VEGFC: variants seen among roughly 807,000 people sequenced by gnomAD.
The protein encoded by VEGFC is FLT4 ligand DHM.
In VEGFC, 12 loss-of-function variants were observed where a neutral mutation model predicts 46.1. The ratio of observed to expected loss-of-function variants is 0.26; its 90% CI spans 0.17 to 0.42. The LOEUF is 0.42. Among genes scored for constraint, VEGFC ranks in the 10% least tolerant of loss-of-function variants. The probability of loss-of-function intolerance (pLI) is 1.00; values close to 1 mark genes in which losing one functional copy is unlikely to be tolerated. For synonymous variants in VEGFC, 232 were observed against 195.5 expected, an observed-to-expected ratio of 1.19 and a Z score of -1.56; for missense variants, 488 against 529.4, an observed-to-expected ratio of 0.92 and a Z score of 0.77.
chr4:176,694,595 G>A (rs62328270), intron 4 of VEGFC, among the ~76,000 whole-genome samples: 73,355 of 151,498 alleles, frequency 0.48, 20,974 homozygotes, highest in East Asian at 0.87. Flanking sequence ...ACAAGGATAC[G>A]CAGGAATTGA....
intron 1 of VEGFC, among the ~76,000 whole-genome samples, chr4:176,747,199 C>G (rs1735271704): frequency 6.6e-6 from 1 of 151,962 alleles, no homozygotes; most frequent in Non-Finnish European, 1.5e-5. Context: ...AAATGAGATG[C>G]ACTTAAACAC....
At chr4:176,773,744 A>T (rs1735761003) in intron 1 of VEGFC, among the ~76,000 whole-genome samples, 1 of 152,164 alleles carries the variant, frequency 6.6e-6, no homozygotes, top group Non-Finnish European at 1.5e-5. Context: ...GTACAGTGGC[A>T]CTATCACAGG....
rs367957043 is a variant in VEGFC, at chr4:176,730,647, A to G, written c.148-901T>C. 3.9e-5 allele frequency among the ~76,000 whole-genome samples: 6 copies of G among 152,076 alleles called. No individual in the cohort carries two copies. The South Asian group carries it at 1.0e-3, about 26-fold the overall frequency. On this transcript the variant is annotated intron_variant, in intron 1 of 6. Coordinates refer to ENST00000618562, the MANE Select transcript of VEGFC (RefSeq NM_005429.5). ...AGTTTAGTCGAATAAGAGTCAATGA[A>G]CTAACTGTCAGAAATGCAGGTAACT...
chr4:176,789,210 C>G (rs1736050584), intron 1 of VEGFC, among the ~76,000 whole-genome samples: 1 of 152,172 alleles, frequency 6.6e-6, no homozygotes, highest in African/African-American at 2.4e-5. Flanking sequence ...GAACCGGAAC[C>G]AGAACTGGAA....
rs552692436 is a variant in VEGFC at position 176,713,014 on chromosome 4, T to C, written c.553-1364A>G. On this transcript the variant is annotated intron_variant, in intron 3 of 6. Transcript: ENST00000618562. Reference sequence around the variant, plus strand: ...GACTTCTCCAAGCTGTATTTTTCTTTGATAATCAGTAAACTAAGGATAACA... The same window carrying C: ...GACTTCTCCAAGCTGTATTTTTCTTCGATAATCAGTAAACTAAGGATAACA... Among the ~76,000 whole-genome samples the C allele has an allele frequency of 3.9e-5, 6 of 152,318 alleles. No homozygotes were observed. The South Asian group carries it at 1.2e-3, about 32-fold the overall frequency.
intron 1 of VEGFC, among the ~76,000 whole-genome samples, chr4:176,772,871 G>A: frequency 6.6e-6 from 1 of 152,154 alleles, no homozygotes; most frequent in East Asian, 1.9e-4. Context: ...TCAGAATTGT[G>A]AGGAAAACTA....
At chr4:176,744,468 C>T (rs896595187) in intron 1 of VEGFC, among the ~76,000 whole-genome samples, 5 of 151,902 alleles carry the variant, frequency 3.3e-5, no homozygotes, top group Admixed American at 6.6e-5. Context: ...CGTTTATAAC[C>T]GAGGGTTCAA....
intron 3 of VEGFC, among the ~76,000 whole-genome samples, chr4:176,715,226 G>T (rs1367524494): frequency 6.6e-6 from 1 of 152,126 alleles, no homozygotes; most frequent in Non-Finnish European, 1.5e-5. Context: ...GCTGAATTCA[G>T]TTAATTTTGT....
At chr4:176,738,723 G>A (rs1045738003) in intron 1 of VEGFC, among the ~76,000 whole-genome samples, 1 of 151,984 alleles carries the variant, frequency 6.6e-6, no homozygotes, top group Non-Finnish European at 1.5e-5. Flanking sequence ...AAACTAAAGA[G>A]CTTCTTCACA....
At chr4:176,706,091 G>A (rs181694932) in intron 4 of VEGFC, 1 of 152,172 alleles carries the variant, frequency 6.6e-6, no homozygotes, top group African/African-American at 2.4e-5. Context: ...TGTGGCAGAT[G>A]CTTGGTGCTT....
At chr4:176,737,318 G>C (rs916468779) in intron 1 of VEGFC, among the ~76,000 whole-genome samples, 14 of 146,062 alleles carry the variant, frequency 9.6e-5, no homozygotes, top group African/African-American at 3.5e-4. Context: ...TATAAATATA[G>C]AATATATTTA....
At chr4:176,747,528 C>T (rs908827255) in intron 1 of VEGFC, among the ~76,000 whole-genome samples, 13 of 152,196 alleles carry the variant, frequency 8.5e-5, no homozygotes, top group Admixed American at 7.9e-4. Flanking sequence ...GCGTGGTCCT[C>T]ACACCTGCAA....
In VEGFC at chr4:176,687,636, C is replaced by CAA. The variant is rs370067454; in HGVS notation, c.812-118_812-117dup. ...ATGTTTTCCATCAAAGGATTGGGTA[C>CAA]AAACATGAGTATGTTCCTTTATAAA... is the stretch of plus-strand genomic sequence containing the variant. On this transcript the variant is annotated intron_variant, in intron 5 of 6. Coordinates refer to ENST00000618562, the MANE Select transcript of VEGFC (RefSeq NM_005429.5). 102 of 1,125,352 alleles carry CAA rather than the reference C, an allele frequency of 9.1e-5. No homozygotes were observed. The African/African-American group carries it at 1.5e-3, about 16-fold the overall frequency. The allele number at this position is 1,125,352 out of a possible 1,614,324, so 69.7% of individuals were successfully genotyped here.
At chr4:176,685,697 ATAG>A (rs1256335371) in intron 6 of VEGFC, among the ~76,000 whole-genome samples, 2 of 152,006 alleles carry the variant, frequency 1.3e-5, no homozygotes, top group East Asian at 3.9e-4. Flanking sequence ...CCTTCTGAAA[ATAG>A]TAGCATATAC....
chr4:176,739,344 A>G (rs1212176207), intron 1 of VEGFC, among the ~76,000 whole-genome samples: 1 of 151,886 alleles, frequency 6.6e-6, no homozygotes, highest in African/African-American at 2.4e-5. Context: ...TTACAAAATC[A>G]TTGCCCATCA....
At chr4:176,692,112 C>T (rs1033308617) in intron 4 of VEGFC, among the ~76,000 whole-genome samples, 2 of 152,038 alleles carry the variant, frequency 1.3e-5, no homozygotes, top group Admixed American at 1.3e-4. Context: ...AACGGCGCAC[C>T]GGCCCGGCGC....
chr4:176,753,464 T>G (rs1296002225), intron 1 of VEGFC, among the ~76,000 whole-genome samples: 2 of 152,026 alleles, frequency 1.3e-5, no homozygotes. Flanking sequence ...AGGGATGATT[T>G]GTTTATTTCT....
At chr4:176,755,725 A>G (rs1735421688) in intron 1 of VEGFC, among the ~76,000 whole-genome samples, 1 of 152,026 alleles carries the variant, frequency 6.6e-6, no homozygotes, top group Admixed American at 6.6e-5. Context: ...ACTGATACAC[A>G]TATTTGTATT....
chr4:176,753,346 T>C (rs1435128731), intron 1 of VEGFC, among the ~76,000 whole-genome samples: 1 of 152,038 alleles, frequency 6.6e-6, no homozygotes, highest in African/African-American at 2.4e-5. Flanking sequence ...TGGAATTGAT[T>C]AGCTGTGTGA....
Sources: gnomAD v4.1 joint callset for allele counts (sites outside exome capture counted in the v4.1 genomes callset) on GRCh38, gnomAD v4.1.1 for gene constraint, MANE v1.5 for transcripts, NCBI Gene and HGNC (gene_info 2026-07-23, HGNC 2026-07-21) for gene names.